ZNF638: variants seen among roughly 807,000 people sequenced by gnomAD.
ZNF638 encodes CTCL tumor antigen se33-1.
A neutral mutation model predicts 195.6 loss-of-function variants in ZNF638; 46 were observed. The observed-to-expected ratio is 0.24, with a 90% confidence interval of 0.19 to 0.30. The LOEUF is 0.30. Ranked by LOEUF, ZNF638 falls within the 10% of genes least tolerant of loss-of-function variation. ZNF638 has a pLI of 1.00. For synonymous variants in ZNF638, 845 were observed against 772.0 expected (o/e 1.09, Z -1.57); for missense variants, 2,440 against 2,325.3 (o/e 1.05, Z -1.01).
At chr2:71,395,213 C>G (rs1161606107) in intron 10 of ZNF638, 1 of 717,118 alleles carries the variant, frequency 1.4e-6, no homozygotes, top group Non-Finnish European at 2.6e-6. Context: ...ACTAATTATA[C>G]TCATGTTTGT....
intron 21 of ZNF638, among the ~76,000 whole-genome samples, chr2:71,420,712 C>A (rs1324471121): frequency 1.3e-5 from 2 of 152,102 alleles, no homozygotes; most frequent in Non-Finnish European, 2.9e-5. Flanking sequence ...TTCATTTGAT[C>A]GTTACAAAGA....
At chr2:71,354,499 G>T (rs562998484) in intron 2 of ZNF638, among the ~76,000 whole-genome samples, 1 of 152,212 alleles carries the variant, frequency 6.6e-6, no homozygotes, top group East Asian at 1.9e-4. Context: ...CTTTTGGGAG[G>T]CCGAGGCAGG....
chr2:71,390,311 G>A (rs1267984178), intron 10 of ZNF638, among the ~76,000 whole-genome samples: 6 of 152,148 alleles, frequency 3.9e-5, no homozygotes, highest in Non-Finnish European at 5.9e-5. Context: ...CTCTGGGAGC[G>A]CAGGATTGGG....
At chr2:71,424,309 G>A (rs1034522245) in intron 22 of ZNF638, among the ~76,000 whole-genome samples, 7 of 148,328 alleles carry the variant, frequency 4.7e-5, no homozygotes, top group African/African-American at 7.5e-5. Context: ...AAAAAAAAAA[G>A]TCTGCAGTGA....
chr2:71,350,741 A>G (rs564960216), intron 2 of ZNF638, among the ~76,000 whole-genome samples: 1 of 152,346 alleles, frequency 6.6e-6, no homozygotes, highest in Admixed American at 6.5e-5. Context: ...TGATTTAAAT[A>G]TTTCCTGACT....
At chr2:71,346,126 T>C (rs1212570155) in intron 1 of ZNF638, among the ~76,000 whole-genome samples, 1 of 152,234 alleles carries the variant, frequency 6.6e-6, no homozygotes, top group East Asian at 1.9e-4. Flanking sequence ...TGATTGAAAT[T>C]TGTTCTTTTG....
At chr2:71,355,848 G>A in intron 3 of ZNF638, 68 bp downstream of exon 3, 2 of 861,776 alleles carry the variant, frequency 2.3e-6, no homozygotes, top group Admixed American at 2.8e-5. Context: ...AGATGTGACT[G>A]TTAAATACCT....
intron 25 of ZNF638, among the ~76,000 whole-genome samples, chr2:71,429,702 C>T (rs1396972759): frequency 2.0e-5 from 3 of 152,160 alleles, no homozygotes; most frequent in Non-Finnish European, 4.4e-5. Context: ...TGGTTTCTTT[C>T]TCCTACCACT....
intron 8 of ZNF638, chr2:71,375,701 A>G (rs562570862): frequency 4.6e-5 from 7 of 152,248 alleles, no homozygotes; most frequent in Admixed American, 4.6e-4. Context: ...GCATGACATA[A>G]TAAAACGGAG....
At chr2:71,376,292 CTG>C (rs1422399329) in intron 8 of ZNF638, 1 of 152,238 alleles carries the variant, frequency 6.6e-6, no homozygotes, top group African/African-American at 2.4e-5. Context: ...CATGACACCT[CTG>C]TTGTGACAGA....
chr2:71,426,605 TAAA>T lies in ZNF638; in HGVS notation c.4737_4739del (p.Lys1583del). The T allele has an allele frequency of 6.2e-7, 1 of 1,614,140 alleles. No individual in the cohort carries two copies. The highest frequency in any genetic ancestry group is 1.1e-5 in the South Asian group (1 of 91,080). On this transcript the variant is annotated inframe_deletion, in exon 24 of 28. Transcript: ENST00000264447. ...AATGTTCCTTTCTCTGAACTTAACT[TAAA>T]GAAGAAAAAGGGGAAAACTTCCACT...
At chr2:71,419,345 CA>C (rs1347508150) in intron 21 of ZNF638, among the ~76,000 whole-genome samples, 1 of 152,134 alleles carries the variant, frequency 6.6e-6, no homozygotes, top group Admixed American at 6.5e-5. Flanking sequence ...ACTGAGTCAT[CA>C]ATATTTATTA....
chr2:71,366,678 G>C (rs1009556424), intron 6 of ZNF638, among the ~76,000 whole-genome samples: 1 of 152,112 alleles, frequency 6.6e-6, no homozygotes, highest in African/African-American at 2.4e-5. Flanking sequence ...ATCTTTTTTA[G>C]TAAGGTATAA....
At chr2:71,355,039 G>T (rs913728822) in intron 2 of ZNF638, among the ~76,000 whole-genome samples, 33 of 152,178 alleles carry the variant, frequency 2.2e-4, no homozygotes, top group East Asian at 1.2e-3. Context: ...CGCAATCTCG[G>T]CTCACTGCAA....
At chr2:71,396,435 TTCTC>T (rs1409586842) in intron 11 of ZNF638, among the ~76,000 whole-genome samples, 1 of 152,244 alleles carries the variant, frequency 6.6e-6, no homozygotes, top group Non-Finnish European at 1.5e-5. Context: ...ATTTTCCTCT[TTCTC>T]TTTTATTGAG....
rs1200450451 is a variant in ZNF638 at position 71,422,730 on chromosome 2, T to C, written c.3300-84T>C. ...AACAATTGGCATCAGCAGGATTCTT[T>C]ATAATGGTTGAATTCTCATCATAGT... is the stretch of plus-strand genomic sequence containing the variant. On this transcript the variant is annotated intron_variant, in intron 21 of 27. Coordinates refer to ENST00000264447, the MANE Select transcript of ZNF638 (RefSeq NM_014497.5). The C allele has an allele frequency of 7.8e-6, 11 of 1,412,928 alleles. No individual in the cohort carries two copies. In the South Asian group the frequency reaches 1.6e-4, roughly 20 times the overall value. The allele number at this position is 1,412,928 out of a possible 1,614,324, so 87.5% of individuals were successfully genotyped here.
chr2:71,395,868 A>G (rs2079882697), intron 10 of ZNF638: 4 of 509,286 alleles, frequency 7.9e-6, no homozygotes, highest in South Asian at 4.6e-5. Flanking sequence ...AATAATTCCT[A>G]TGCTTATGTA....
chr2:71,424,537 G>A (rs1043120463), intron 22 of ZNF638, 113 bp from the exon 23 acceptor site: 1 of 771,912 alleles, frequency 1.3e-6, no homozygotes, highest in East Asian at 2.6e-5. Context: ...TTGCATAATT[G>A]ACTGTATTTG....
At chr2:71,392,355 T>C (rs1425680270) in intron 10 of ZNF638, among the ~76,000 whole-genome samples, 1 of 152,186 alleles carries the variant, frequency 6.6e-6, no homozygotes, top group African/African-American at 2.4e-5. Context: ...ACCACATAAT[T>C]CCCTCACTCA....
Sources: allele counts gnomAD v4.1 joint callset (sites outside exome capture counted in the v4.1 genomes callset), GRCh38; gene constraint gnomAD v4.1.1; transcripts MANE v1.5; gene names NCBI Gene and HGNC (gene_info 2026-07-23, HGNC 2026-07-21).